CENPC: variants seen among roughly 807,000 people sequenced by gnomAD.
The protein encoded by CENPC is centromere protein C.
In CENPC, 63 loss-of-function variants were observed where a neutral mutation model predicts 112.1. The observed-to-expected ratio is 0.56, with a 90% CI of 0.46 to 0.69. The LOEUF is 0.69. Among genes scored for constraint, CENPC ranks in the 30% least tolerant of loss-of-function variants. The pLI is 0.00. For missense variants in CENPC, 1,000 were observed against 1,103.8 expected, an observed-to-expected ratio of 0.91 and a Z score of 1.33; for synonymous variants, 333 against 367.6, an observed-to-expected ratio of 0.91 and a Z score of 1.08.
chr4:67,506,997 C>A (rs1422758005), intron 10 of CENPC, 63 bp from the exon 11 acceptor site: 4 of 1,242,444 alleles, frequency 3.2e-6, no homozygotes, highest in South Asian at 3.0e-5. Context: ...CTTCCAGAAA[C>A]GATACACAGG....
At chr4:67,487,904 GTT>G (rs1725135359) in intron 17 of CENPC, among the ~76,000 whole-genome samples, 1 of 151,264 alleles carries the variant, frequency 6.6e-6, no homozygotes, top group African/African-American at 2.4e-5. Flanking sequence ...ATCTTGTCCT[GTT>G]TATTATCTTT....
Position 67,509,915 on chromosome 4 carries a change from C to T in CENPC, c.1613-810G>A, listed in dbSNP as rs1232592982. Among the ~76,000 whole-genome samples, 4 of 152,066 alleles carry T rather than the reference C, an allele frequency of 2.6e-5. No individual in the cohort carries two copies. The East Asian group carries it at 7.7e-4, about 29-fold the overall frequency. On this transcript the variant is annotated intron_variant, in intron 9 of 18. Transcript: ENST00000273853. ...ATTATCTATAGCTTCAGGATGAAGT[C>T]CAAATACTTCAACATCAATTCATAT...
rs1726002189 is a variant in CENPC, at chr4:67,514,599, C to T, written c.919G>A (p.Glu307Lys). Residue 307 changes from glutamate (E) to lysine (K), a missense_variant, in exon 8 of 19, where the codon GAG (glutamate) becomes AAG (lysine). Physicochemically the swap from Glu to Lys is moderately conservative, Grantham distance 56. Coordinates refer to ENST00000273853, the MANE Select transcript of CENPC (RefSeq NM_001812.4). ...KLIEDEFIID[E>K]SDQSFASRSW... ...CTACTGGCAAAACTTTGATCCGACTCATCAATTATAAATTCATCCTCTATC... is the reference window on the plus strand; with the variant it reads ...CTACTGGCAAAACTTTGATCCGACTTATCAATTATAAATTCATCCTCTATC... 1 of 1,608,148 alleles carries T rather than the reference C, an allele frequency of 6.2e-7. No individual in the cohort carries two copies.
chr4:67,517,520 C>T (rs17554681), intron 7 of CENPC, among the ~76,000 whole-genome samples: 35,988 of 151,112 alleles, frequency 0.24, 4,700 homozygotes, highest in Non-Finnish European at 0.29. Flanking sequence ...GACATAAGGG[C>T]AGCCTAACAT....
intron 4 of CENPC, among the ~76,000 whole-genome samples, chr4:67,535,367 A>G (rs752775278): frequency 6.6e-6 from 1 of 151,960 alleles, no homozygotes; most frequent in African/African-American, 2.4e-5. Flanking sequence ...TCAGGAGAAA[A>G]GCAAAGGGAC....
intron 12 of CENPC, among the ~76,000 whole-genome samples, chr4:67,501,858 T>C (rs1322052466): frequency 2.0e-5 from 3 of 152,138 alleles, no homozygotes; most frequent in Non-Finnish European, 2.9e-5. Context: ...TGGAAAAATG[T>C]TGTAAAATGT....
chr4:67,513,450 T>A (rs1353440913), intron 8 of CENPC, among the ~76,000 whole-genome samples: 1 of 152,202 alleles, frequency 6.6e-6, no homozygotes, highest in South Asian at 2.1e-4. Context: ...CAGAAAATGT[T>A]TAATATTTAC....
At chr4:67,494,111 A>T (rs1725362594) in intron 13 of CENPC, 123 bp from the exon 14 acceptor site, 1 of 548,986 alleles carries the variant, frequency 1.8e-6, no homozygotes, top group East Asian at 3.1e-5. Flanking sequence ...TTTTCTAGAC[A>T]AAAGACTAGA....
intron 10 of CENPC, among the ~76,000 whole-genome samples, chr4:67,508,113 A>T (rs1408089861): frequency 6.6e-6 from 1 of 152,192 alleles, no homozygotes; most frequent in Non-Finnish European, 1.5e-5. Flanking sequence ...AACTATTATC[A>T]TCCTAAGAAG....
chr4:67,497,336 C>A lies in CENPC; in HGVS notation c.2132-2124G>T, dbSNP rs181121245. 3.5e-3 allele frequency among the ~76,000 whole-genome samples: 529 copies of A among 152,060 alleles called. 6 individuals carry two copies. The highest frequency in any genetic ancestry group is 0.012 in the African/African-American group (486 of 41,462). ...GAGGTTGCAGTGAGCCGAGATCACA[C>A]CATTGCACTCCACTCTGGGCGACAG... is the stretch of plus-strand genomic sequence containing the variant. On this transcript the variant is annotated intron_variant, in intron 12 of 18. Coordinates refer to ENST00000273853, the MANE Select transcript of CENPC (RefSeq NM_001812.4).
intron 3 of CENPC, among the ~76,000 whole-genome samples, chr4:67,540,695 T>G (rs1726862162): frequency 1.3e-5 from 2 of 152,046 alleles, no homozygotes; most frequent in Admixed American, 6.6e-5. Flanking sequence ...AATAAAATAC[T>G]TTTTCTTGTG....
At chr4:67,533,306 C>G (rs1166988422) in intron 4 of CENPC, among the ~76,000 whole-genome samples, 1 of 152,176 alleles carries the variant, frequency 6.6e-6, no homozygotes, top group East Asian at 1.9e-4. Flanking sequence ...GGAAGAAGTG[C>G]CTTTCGCCCT....
intron 7 of CENPC, among the ~76,000 whole-genome samples, chr4:67,515,788 A>G (rs949924929): frequency 6.6e-6 from 1 of 152,008 alleles, no homozygotes; most frequent in Non-Finnish European, 1.5e-5. Flanking sequence ...GAAAGGTAGC[A>G]TAAGCACAAA....
chr4:67,525,889 C>T (rs181556368), intron 5 of CENPC, among the ~76,000 whole-genome samples: 61 of 152,308 alleles, frequency 4.0e-4, no homozygotes, highest in African/African-American at 1.4e-3. Context: ...TACTGCAGCA[C>T]TATTTACAAT....
At chr4:67,482,447 C>A (rs967831652) in intron 17 of CENPC, among the ~76,000 whole-genome samples, 1 of 152,228 alleles carries the variant, frequency 6.6e-6, no homozygotes, top group Non-Finnish European at 1.5e-5. Context: ...GACACTTGCA[C>A]ACGTACATTT....
In CENPC at chr4:67,519,398, T is replaced by C. The variant is rs768659972; in HGVS notation, c.436A>G (p.Ser146Gly). ...AAGTAAAATTCTTCATCAGCTTCAC[T>C]GTGATGATCATTTATGTTTCTACTT... ...ISSRNINDHH[S>G]EADEEFYLSV... The change falls in exon 6 of 19, where the codon AGT (serine) becomes GGT (glycine). Residue 146 changes from serine (S) to glycine (G), a missense_variant. Ser to Gly is a moderately conservative substitution (Grantham distance 56, BLOSUM62 0). Transcript: ENST00000273853. The C allele has an allele frequency of 8.1e-6, 13 of 1,613,120 alleles. No individual in the cohort carries two copies. Among genetic ancestry groups the C allele is most frequent in the Admixed American group, 1.7e-5 (1 of 59,994 alleles).
At chr4:67,506,525 C>T (rs1378628759) in intron 11 of CENPC, among the ~76,000 whole-genome samples, 3 of 152,118 alleles carry the variant, frequency 2.0e-5, no homozygotes, top group East Asian at 1.9e-4. Context: ...CAGCCAACAG[C>T]GATGTGAGAC....
At chr4:67,519,196 A>T (rs1446263256) in intron 6 of CENPC, 21 bp downstream of exon 6, 2 of 1,508,030 alleles carry the variant, frequency 1.3e-6, no homozygotes, top group South Asian at 2.7e-5. Flanking sequence ...GTGCGTTAAC[A>T]TTATTTAAAT....
At chr4:67,521,200 A>C (rs1726217898) in intron 5 of CENPC, among the ~76,000 whole-genome samples, 1 of 50,502 alleles carries the variant, frequency 2.0e-5, no homozygotes, top group Admixed American at 3.4e-4. Context: ...AAACCAAAAC[A>C]AACCAAAAAA....
Sources: gnomAD v4.1 joint callset for allele counts (sites outside exome capture counted in the v4.1 genomes callset) on GRCh38, gnomAD v4.1.1 for gene constraint, MANE v1.5 for transcripts, NCBI Gene and HGNC (gene_info 2026-07-23, HGNC 2026-07-21) for gene names.